The following STARD8 variants were observed in gnomAD, a reference collection of about 807,000 sequenced individuals.
The protein encoded by STARD8 is stAR-related lipid transfer protein 8.
STARD8 carries 25 observed loss-of-function variants against 69.4 expected under a neutral mutation model. That is an observed-to-expected ratio of 0.36 (90% CI 0.26 to 0.50). The LOEUF (loss-of-function observed/expected upper bound fraction) is 0.50, where lower values mean the gene tolerates loss of function less well. STARD8 is among the 20% of genes least tolerant of loss of function. STARD8 has a pLI of 0.96. For synonymous variants in STARD8, 389 were observed against 374.6 expected (o/e 1.04, Z -0.45); for missense variants, 921 against 932.5 (o/e 0.99, Z 0.16).
chrX:68,722,357 C>A (rs2080157436), intron 11 of STARD8, 65 bp from the exon 12 acceptor site: 1 of 1,040,464 alleles, frequency 9.6e-7, no homozygotes, highest in Non-Finnish European at 1.3e-6. Flanking sequence ...TAACGTGAAC[C>A]TGACAGACCC....
chrX:68,724,147 G>T (rs1476794322), intron 14 of STARD8, 26 bp downstream of exon 14: 1 of 1,200,484 alleles, frequency 8.3e-7, no homozygotes, highest in African/African-American at 1.7e-5. Context: ...CAGCCTGCTC[G>T]ACCCCCTTGG....
At chrX:68,722,220 AC>A in intron 11 of STARD8, 59 bp downstream of exon 11, 1 of 1,047,092 alleles carries the variant, frequency 9.6e-7, no homozygotes, top group Non-Finnish European at 1.3e-6. Flanking sequence ...ATCAGGCCTG[AC>A]CTCGGTGCCC....
In STARD8 at chrX:68,710,037, G is replaced by A. The variant is rs759337369; in HGVS notation, c.80-2877G>A. On this transcript the variant is annotated intron_variant, in intron 2 of 14. Coordinates refer to ENST00000374599, the MANE Select transcript of STARD8 (RefSeq NM_001142503.3). ...GAAGGAGCAGGAAAACAGCCTGGGG[G>A]GCTGGGGTTGGTTCCTTTGAGTCTG... 9.9e-5 allele frequency among the ~76,000 whole-genome samples: 11 copies of A among 111,533 alleles called. No homozygotes were observed. The Admixed American group carries it at 1.0e-3, about 11-fold the overall frequency.
intron 1 of STARD8, among the ~76,000 whole-genome samples, chrX:68,664,577 C>A (rs2079671391): frequency 8.9e-6 from 1 of 112,118 alleles, no homozygotes; most frequent in Non-Finnish European, 1.9e-5. Flanking sequence ...CAACTTCTTG[C>A]CATCTGGGTC....
At chrX:68,680,590 G>A (rs2079795246) in intron 2 of STARD8, among the ~76,000 whole-genome samples, 1 of 112,339 alleles carries the variant, frequency 8.9e-6, no homozygotes, top group South Asian at 3.7e-4. Context: ...TTGCATGAAT[G>A]GACAGAGCCC....
At chrX:68,722,258 C>T in intron 11 of STARD8, 97 bp downstream of exon 11, 1 of 865,614 alleles carries the variant, frequency 1.2e-6, no homozygotes, top group Non-Finnish European at 1.6e-6. Context: ...CCCAATTTGA[C>T]ACATACCCCT....
At chrX:68,718,706 A>G (rs1289993882) in intron 6 of STARD8, 77 bp downstream of exon 6, 3 of 1,107,251 alleles carry the variant, frequency 2.7e-6, no homozygotes, top group African/African-American at 3.7e-5. Flanking sequence ...TTTCTCAGTC[A>G]TGAGGCCCAG....
At chrX:68,692,173 G>A (rs1395725164) in intron 2 of STARD8, among the ~76,000 whole-genome samples, 1 of 111,999 alleles carries the variant, frequency 8.9e-6, no homozygotes, top group Non-Finnish European at 1.9e-5. Flanking sequence ...CCACCAGAAG[G>A]ATTTTGCTTC....
chrX:68,717,060 G>C (rs2080097149), intron 5 of STARD8, 152 bp from the exon 6 acceptor site: 7 of 928,679 alleles, frequency 7.5e-6, no homozygotes, highest in Non-Finnish European at 8.4e-6. Flanking sequence ...GGCACTCCCA[G>C]AGCTAGCTCT....
At chrX:68,654,872 G>A (rs2079601682) in intron 1 of STARD8, among the ~76,000 whole-genome samples, 1 of 112,154 alleles carries the variant, frequency 8.9e-6, no homozygotes, top group Admixed American at 9.4e-5. Context: ...AGGATATGGG[G>A]TGAACGTGTG....
In STARD8 at chrX:68,718,511, A is replaced by G; in HGVS notation, c.1597A>G (p.Ser533Gly). 5.8e-6 allele frequency: 7 copies of G among 1,212,220 alleles called. No individual in the cohort carries two copies. Among genetic ancestry groups the G allele is most frequent in the South Asian group, 1.8e-5 (1 of 56,978 alleles). ...DTVASSSELDSSGNSMNEAEA... is the reference protein window; with the variant it reads ...DTVASSSELDGSGNSMNEAEA... ...TGTGGCCTCCTCCAGCGAACTTGAC[A>G]GTAGTGGGAACTCCATGAATGAGGC... Residue 533 changes from serine (S) to glycine (G), a missense_variant, in exon 6 of 15, where the codon AGT (serine) becomes GGT (glycine). Transcript: ENST00000374599.
intron 7 of STARD8, 31 bp from the exon 8 acceptor site, chrX:68,720,233 C>T (rs200436760): frequency 8.6e-7 from 1 of 1,163,960 alleles, no homozygotes; most frequent in East Asian, 3.1e-5. Context: ...TGTGTTCCCC[C>T]TATCTGATCA....
chrX:68,694,541 G>A (rs1018126699), intron 2 of STARD8, among the ~76,000 whole-genome samples: 2 of 111,501 alleles, frequency 1.8e-5, no homozygotes, highest in Non-Finnish European at 3.8e-5. Context: ...GCTGAATTAC[G>A]ACTCAGGAAA....
At chrX:68,689,235 C>T (rs1243662199) in intron 2 of STARD8, among the ~76,000 whole-genome samples, 4 of 105,175 alleles carry the variant, frequency 3.8e-5, no homozygotes, top group Non-Finnish European at 7.8e-5. Context: ...TCACCAAGTG[C>T]TCTGTCCACG....
intron 2 of STARD8, among the ~76,000 whole-genome samples, chrX:68,701,163 G>A (rs1816621063): frequency 8.9e-6 from 1 of 112,157 alleles, no homozygotes. Context: ...TGGCATTCGC[G>A]ACACTCAACA....
Sources: allele counts gnomAD v4.1 joint callset (sites outside exome capture counted in the v4.1 genomes callset), GRCh38; gene constraint gnomAD v4.1.1; transcripts MANE v1.5; gene names NCBI Gene and HGNC (gene_info 2026-07-23, HGNC 2026-07-21).